The following GALNT13 variants were observed in gnomAD, a reference collection of about 807,000 sequenced individuals.
GALNT13 encodes UDP-GalNAc:polypeptide N-acetylgalactosaminyltransferase 13.
A neutral mutation model predicts 64.2 loss-of-function variants in GALNT13; 28 were observed. That is an observed-to-expected ratio of 0.44 (90% CI 0.32 to 0.60). GALNT13 has a LOEUF of 0.60. Among genes scored for constraint, GALNT13 ranks in the 20% least tolerant of loss-of-function variants. The probability of loss-of-function intolerance (pLI) is 0.05; values close to 1 mark genes in which losing one functional copy is unlikely to be tolerated. For missense variants in GALNT13, 577 were observed against 669.8 expected (o/e 0.86, Z 1.53); for synonymous variants, 214 against 224.6 (o/e 0.95, Z 0.42).
chr2:153,403,509 G>A, the GALNT13 span, among the ~76,000 whole-genome samples: 1 of 152,206 alleles, frequency 6.6e-6, no homozygotes, highest in African/African-American at 2.4e-5. Flanking sequence ...GGGCAAAGGC[G>A]GGCGCCCCTC....
At chr2:153,603,500 G>GAT in the GALNT13 span, among the ~76,000 whole-genome samples, 6 of 151,898 alleles carry the variant, frequency 4.0e-5, no homozygotes, top group African/African-American at 1.4e-4. Context: ...GACTCAAGGT[G>GAT]ATAATAGCTC....
the GALNT13 span, among the ~76,000 whole-genome samples, chr2:153,652,649 A>G: frequency 3.9e-5 from 6 of 152,140 alleles, no homozygotes; most frequent in African/African-American, 1.4e-4. Flanking sequence ...AGAAAGATCA[A>G]TAACCATGAC....
chr2:153,501,635 TC>T, the GALNT13 span, among the ~76,000 whole-genome samples: 15 of 152,048 alleles, frequency 9.9e-5, no homozygotes, highest in South Asian at 2.1e-4. Flanking sequence ...CCCGGCCACC[TC>T]CTTTGTTTTT....
intron 3 of GALNT13, among the ~76,000 whole-genome samples, chr2:153,962,448 A>C (rs531554560): frequency 1.3e-5 from 2 of 152,166 alleles, no homozygotes; most frequent in Non-Finnish European, 2.9e-5. Flanking sequence ...GGTATGTTTG[A>C]CTTATGTGTA....
chr2:153,301,628 A>G, the GALNT13 span, among the ~76,000 whole-genome samples: 889 of 152,242 alleles, frequency 5.8e-3, 8 homozygotes, highest in African/African-American at 0.02. Flanking sequence ...GTTGAACAGT[A>G]GATCTCTTGA....
rs1041760962 is a variant in GALNT13 at position 154,157,446 on chromosome 2, C to G, written c.311+16941C>G. On this transcript the variant is annotated intron_variant, in intron 4 of 12. Transcript: ENST00000392825. ...CAGGCTGGATTTAAACTCCTGGGCTCAAGCAATCCTCCTACCTCAGCCTCC... is the reference window on the plus strand; with the variant it reads ...CAGGCTGGATTTAAACTCCTGGGCTGAAGCAATCCTCCTACCTCAGCCTCC... Among the ~76,000 whole-genome samples, 11 of 152,256 alleles carry G rather than the reference C, an allele frequency of 7.2e-5. 1 individual carries two copies. Among genetic ancestry groups the G allele is most frequent in the African/African-American group, 9.6e-5 (4 of 41,570 alleles).
the GALNT13 span, among the ~76,000 whole-genome samples, chr2:153,088,488 G>A: frequency 6.6e-6 from 1 of 152,080 alleles, no homozygotes; most frequent in East Asian, 1.9e-4. Flanking sequence ...TTGTTCTAGG[G>A]TATAGTTCGA....
At chr2:153,698,325 T>A in the GALNT13 span, among the ~76,000 whole-genome samples, 1 of 151,932 alleles carries the variant, frequency 6.6e-6, no homozygotes, top group African/African-American at 2.4e-5. Flanking sequence ...TCAAGACCCA[T>A]CAGTGTGCTA....
At chr2:153,356,097 A>G in the GALNT13 span, among the ~76,000 whole-genome samples, 1 of 152,232 alleles carries the variant, frequency 6.6e-6, no homozygotes, top group African/African-American at 2.4e-5. Flanking sequence ...AATACTTGCA[A>G]AGTACCTAAA....
At chr2:153,420,640 G>T in the GALNT13 span, 2 of 216,610 alleles carry the variant, frequency 9.2e-6, no homozygotes, top group South Asian at 1.7e-4. Context: ...CTGGAAGTAT[G>T]ACATGCTGCA....
intron 9 of GALNT13, among the ~76,000 whole-genome samples, chr2:154,364,940 G>A (rs537795882): frequency 3.3e-5 from 5 of 152,264 alleles, no homozygotes; most frequent in East Asian, 3.9e-4. Flanking sequence ...CAAAAGTGCT[G>A]GGATTACAGG....
intron 3 of GALNT13, among the ~76,000 whole-genome samples, chr2:154,071,871 G>A (rs1217087673): frequency 6.6e-6 from 1 of 152,002 alleles, no homozygotes; most frequent in African/African-American, 2.4e-5. Flanking sequence ...CCCAACCAGT[G>A]GTGAAGTGCT....
At chr2:153,772,749 A>G in the GALNT13 span, among the ~76,000 whole-genome samples, 3 of 152,296 alleles carry the variant, frequency 2.0e-5, no homozygotes, top group African/African-American at 7.2e-5. Flanking sequence ...CTACATTCGT[A>G]GAGACAGCCA....
intron 9 of GALNT13, among the ~76,000 whole-genome samples, chr2:154,353,745 A>G (rs187966480): frequency 2.0e-4 from 31 of 152,290 alleles, no homozygotes; most frequent in Admixed American, 1.8e-3. Flanking sequence ...ATGGCAAGAT[A>G]TCCTTTATTC....
the GALNT13 span, among the ~76,000 whole-genome samples, chr2:153,494,030 A>G: frequency 6.6e-6 from 1 of 151,964 alleles, no homozygotes; most frequent in Non-Finnish European, 1.5e-5. Context: ...CAACAAATAC[A>G]TTTTTGTATA....
chr2:153,812,126 A>G, the GALNT13 span, among the ~76,000 whole-genome samples: 1 of 152,146 alleles, frequency 6.6e-6, no homozygotes, highest in Non-Finnish European at 1.5e-5. Context: ...TCTGTCATCA[A>G]CAATTAGTTT....
At chr2:153,870,537 CCTGTGTA>C, upstream of GALNT13, among the ~76,000 whole-genome samples, 1 of 151,750 alleles carries the variant, frequency 6.6e-6, no homozygotes, top group Non-Finnish European at 1.5e-5. Context: ...TGAGTGGGAC[CCTGTGTA>C]CTCACACATG....
chr2:153,622,976 T>G, the GALNT13 span, among the ~76,000 whole-genome samples: 5 of 152,126 alleles, frequency 3.3e-5, no homozygotes, highest in African/African-American at 9.7e-5. Flanking sequence ...CTTAGGGTAG[T>G]CTTGTAAGGT....
chr2:153,320,072 T>G, the GALNT13 span, among the ~76,000 whole-genome samples: 7 of 152,226 alleles, frequency 4.6e-5, no homozygotes, highest in African/African-American at 1.7e-4. Flanking sequence ...GTTGCACTCT[T>G]CATCAATGAA....
Sources: allele counts gnomAD v4.1 joint callset (sites outside exome capture counted in the v4.1 genomes callset), GRCh38; gene constraint gnomAD v4.1.1; transcripts MANE v1.5; gene names NCBI Gene and HGNC (gene_info 2026-07-23, HGNC 2026-07-21).